Variants in CSGALNACT1 observed in about 807,000 individuals in gnomAD.
The protein encoded by CSGALNACT1 is chondroitin sulfate N-acetylgalactosaminyltransferase 1, also known as beta4GalNAcT-1.
Under a neutral mutation model 51.0 loss-of-function variants are expected in CSGALNACT1, and 52 were observed. That is an observed-to-expected ratio of 1.02 (90% CI 0.82 to 1.29). The LOEUF (loss-of-function observed/expected upper bound fraction) is 1.29, where lower values mean the gene tolerates loss of function less well. Among genes scored for constraint, CSGALNACT1 ranks in the 50% most tolerant of loss-of-function variants. The probability of loss-of-function intolerance (pLI) is 0.00; values close to 1 mark genes in which losing one functional copy is unlikely to be tolerated. For synonymous variants in CSGALNACT1, 341 were observed against 254.4 expected, an observed-to-expected ratio of 1.34 and a Z score of -3.24; for missense variants, 935 against 679.2, an observed-to-expected ratio of 1.38 and a Z score of -4.19.
chr8:19,700,915 A>G (rs774056998), intron 1 of CSGALNACT1, among the ~76,000 whole-genome samples: 22 of 152,140 alleles, frequency 1.4e-4, no homozygotes, highest in Non-Finnish European at 2.8e-4. Context: ...TTTTTGGAGA[A>G]ATTACCTTTC....
intron 7 of CSGALNACT1, 140 bp downstream of exon 6, chr8:19,420,200 G>T: frequency 1.3e-6 from 1 of 776,656 alleles, no homozygotes. Context: ...TAATACAGAT[G>T]GTTTTCCTTT....
At chr8:19,655,833 A>G (rs1435474714) in intron 1 of CSGALNACT1, among the ~76,000 whole-genome samples, 1 of 152,220 alleles carries the variant, frequency 6.6e-6, no homozygotes, top group Non-Finnish European at 1.5e-5. Flanking sequence ...AAATATGAAT[A>G]AAACATGCAG....
At chr8:19,750,303 A>T (rs2154253247) in intron 1 of CSGALNACT1, among the ~76,000 whole-genome samples, 1 of 152,306 alleles carries the variant, frequency 6.6e-6, no homozygotes, top group Non-Finnish European at 1.5e-5. Flanking sequence ...CACTGCTGTC[A>T]GGTTTGTCCC....
intron 3 of CSGALNACT1, among the ~76,000 whole-genome samples, chr8:19,556,695 T>TTTTTC (rs1230207540): frequency 6.6e-6 from 1 of 152,144 alleles, no homozygotes; most frequent in African/African-American, 2.4e-5. Flanking sequence ...TCTCCTTTTT[T>TTTTTC]TTTTCTCTCC....
At chr8:19,446,125 A>G (rs2062068168) in intron 5 of CSGALNACT1, among the ~76,000 whole-genome samples, 1 of 152,218 alleles carries the variant, frequency 6.6e-6, no homozygotes, top group African/African-American at 2.4e-5. Context: ...CAGTGAGCTG[A>G]GATGGTGCCA....
chr8:19,417,242 T>C (rs572009888), intron 8 of CSGALNACT1, among the ~76,000 whole-genome samples: 2 of 152,246 alleles, frequency 1.3e-5, no homozygotes, highest in South Asian at 4.2e-4. Context: ...AGATACACAG[T>C]ATATCTGTGG....
At chr8:19,490,100 G>C (rs957791318) in intron 4 of CSGALNACT1, among the ~76,000 whole-genome samples, 1 of 152,162 alleles carries the variant, frequency 6.6e-6, no homozygotes, top group Admixed American at 6.5e-5. Context: ...ATAACAGCCA[G>C]CAACATTCAG....
chr8:19,687,637 T>G (rs2061052272), intron 1 of CSGALNACT1, among the ~76,000 whole-genome samples: 1 of 152,230 alleles, frequency 6.6e-6, no homozygotes, highest in Non-Finnish European at 1.5e-5. Context: ...ATTTCTCACA[T>G]GTCAGAGAAA....
rs150217124 is a variant in CSGALNACT1, at chr8:19,481,283, T to C, written c.635-22641A>G. ...GTGTCTGTCCTTATAGTCTGCCCCA[T>C]ACTCCTGGTTGGCACCTTGCTAGTC... On this transcript the variant is annotated intron_variant, in intron 4 of 9. Transcript: ENST00000454498. Among the ~76,000 whole-genome samples, 322 of 152,278 alleles carry C rather than the reference T, an allele frequency of 2.1e-3. 3 individuals are homozygous for C. Among genetic ancestry groups the C allele is most frequent in the African/African-American group, 7.3e-3 (305 of 41,552 alleles).
At chr8:19,526,732 T>C (rs879036618) in intron 3 of CSGALNACT1, among the ~76,000 whole-genome samples, 1 of 152,176 alleles carries the variant, frequency 6.6e-6, no homozygotes, top group African/African-American at 2.4e-5. Context: ...CGTAATTTAA[T>C]AGAAAAAGCT....
intron 4 of CSGALNACT1, among the ~76,000 whole-genome samples, chr8:19,481,019 C>T (rs59194156): frequency 0.019 from 2,852 of 152,186 alleles, 23 homozygotes; most frequent in Middle Eastern, 0.048. Context: ...GTCATCTGCC[C>T]GTCCAAGTGC....
intron 1 of CSGALNACT1, among the ~76,000 whole-genome samples, chr8:19,619,880 C>T (rs747183262): frequency 6.6e-6 from 1 of 152,096 alleles, no homozygotes; most frequent in Non-Finnish European, 1.5e-5. Context: ...GGTCATGGTG[C>T]CAGATTAACT....
intron 1 of CSGALNACT1, among the ~76,000 whole-genome samples, chr8:19,733,551 G>A (rs957774555): frequency 4.6e-5 from 7 of 152,126 alleles, no homozygotes; most frequent in Non-Finnish European, 8.8e-5. Context: ...ATGGATTATC[G>A]CTCACCTCCT....
intron 1 of CSGALNACT1, among the ~76,000 whole-genome samples, chr8:19,745,877 T>C (rs143645754): frequency 3.9e-5 from 6 of 152,172 alleles, no homozygotes; most frequent in African/African-American, 9.6e-5. Context: ...GGAAGGAATA[T>C]AAGTACACAT....
chr8:19,748,469 C>T (rs751713004), intron 1 of CSGALNACT1, among the ~76,000 whole-genome samples: 26 of 152,138 alleles, frequency 1.7e-4, no homozygotes, highest in Non-Finnish European at 2.5e-4. Context: ...ATAGCATGCT[C>T]CTCCTCATCT....
intron 1 of CSGALNACT1, among the ~76,000 whole-genome samples, chr8:19,642,624 A>G (rs1483671469): frequency 6.6e-6 from 1 of 152,024 alleles, no homozygotes; most frequent in East Asian, 1.9e-4. Flanking sequence ...AAAACAAAAC[A>G]AAACAAAACT....
At chr8:19,748,914 G>A (rs550430532) in intron 1 of CSGALNACT1, among the ~76,000 whole-genome samples, 10 of 151,402 alleles carry the variant, frequency 6.6e-5, no homozygotes, top group Non-Finnish European at 7.4e-5. Context: ...GCAGTGAGCC[G>A]AGATCGCACC....
At chr8:19,447,197 G>T (rs1188028284) in intron 5 of CSGALNACT1, among the ~76,000 whole-genome samples, 1 of 152,146 alleles carries the variant, frequency 6.6e-6, no homozygotes, top group East Asian at 1.9e-4. Flanking sequence ...CTAAGCACCT[G>T]CCTGGTAGTC....
intron 3 of CSGALNACT1, among the ~76,000 whole-genome samples, chr8:19,540,226 C>T (rs554101706): frequency 6.6e-6 from 1 of 152,314 alleles, no homozygotes; most frequent in East Asian, 1.9e-4. Context: ...GTGACCAGAA[C>T]ATCATGTCCT....
Sources: gnomAD v4.1 joint callset for allele counts (sites outside exome capture counted in the v4.1 genomes callset) on GRCh38, gnomAD v4.1.1 for gene constraint, MANE v1.5 for transcripts, NCBI Gene and HGNC (gene_info 2026-07-23, HGNC 2026-07-21) for gene names.